KAT7: variants seen among roughly 807,000 people sequenced by gnomAD.
KAT7 encodes lysine acetyltransferase 7.
Under a neutral mutation model 82.1 loss-of-function variants are expected in KAT7, and 10 were observed. That is an observed-to-expected ratio of 0.12 (90% CI 0.08 to 0.21). The LOEUF (loss-of-function observed/expected upper bound fraction) is 0.21, where lower values mean the gene tolerates loss of function less well. KAT7 is among the 10% of genes least tolerant of loss of function. KAT7 has a pLI of 1.00. For missense variants in KAT7, 378 were observed against 760.9 expected (o/e 0.50, Z 5.92); for synonymous variants, 250 against 262.5 (o/e 0.95, Z 0.46).
chr17:49,803,720 G>A (rs765681930), intron 4 of KAT7, among the ~76,000 whole-genome samples: 11 of 152,094 alleles, frequency 7.2e-5, no homozygotes, highest in African/African-American at 1.4e-4. Flanking sequence ...CACTGCGCCC[G>A]GCCTAAAATT....
chr17:49,826,724 G>C lies in KAT7; in HGVS notation c.1659G>C (p.Val553=). 2 of 1,611,752 alleles carry C rather than the reference G, an allele frequency of 1.2e-6. No individual in the cohort carries two copies. Among genetic ancestry groups the C allele is most frequent in the Non-Finnish European group, 1.7e-6 (2 of 1,179,496 alleles). ...EISQETAVNP[V]DIVSTLQALQ... Reference sequence around the variant, plus strand: ...GTCAGGAGACGGCTGTGAATCCTGTGGACATTGTCAGCACTCTGCAAGCCC... The same window carrying C: ...GTCAGGAGACGGCTGTGAATCCTGTCGACATTGTCAGCACTCTGCAAGCCC... Residue 553 remains valine, a synonymous_variant, in exon 14 of 15, where the codon GTG becomes GTC. Transcript: ENST00000259021.
chr17:49,819,748 T>C (rs1416892487), intron 9 of KAT7, among the ~76,000 whole-genome samples: 1 of 152,232 alleles, frequency 6.6e-6, no homozygotes, highest in African/African-American at 2.4e-5. Context: ...TTCCTTTGGC[T>C]TGGCTTCTGT....
chr17:49,814,714 CT>C (rs367590081), intron 7 of KAT7, among the ~76,000 whole-genome samples: 2 of 148,692 alleles, frequency 1.3e-5, no homozygotes, highest in African/African-American at 2.5e-5. Context: ...TTTTTTCAAG[CT>C]TTTTTTTTTC....
At chr17:49,793,727 C>T (rs567407414) in intron 2 of KAT7, among the ~76,000 whole-genome samples, 12 of 152,162 alleles carry the variant, frequency 7.9e-5, no homozygotes, top group African/African-American at 2.4e-4. Flanking sequence ...TGCACGCCAC[C>T]GTGCCCAGCT....
intron 14 of KAT7, chr17:49,827,081 A>G: frequency 2.3e-6 from 1 of 440,926 alleles, no homozygotes; most frequent in South Asian, 3.5e-5. Flanking sequence ...TGTTTTTCTT[A>G]GGTGGGAGGA....
chr17:49,795,491 A>G, intron 2 of KAT7: 1 of 241,152 alleles, frequency 4.1e-6, no homozygotes, highest in South Asian at 6.9e-5. Flanking sequence ...GAGGGCTTTG[A>G]GCCCTCAGAC....
At chr17:49,825,862 A>C (rs2074363239) in intron 12 of KAT7, 138 bp from the exon 13 acceptor site, 2 of 807,694 alleles carry the variant, frequency 2.5e-6, no homozygotes. Flanking sequence ...AGTTAACCAC[A>C]CAGTATTCCA....
At chr17:49,793,437 G>A (rs2073914665) in intron 2 of KAT7, among the ~76,000 whole-genome samples, 1 of 152,158 alleles carries the variant, frequency 6.6e-6, no homozygotes, top group Admixed American at 6.5e-5. Context: ...TGACCCTCCT[G>A]GCTCTGCTCT....
intron 7 of KAT7, among the ~76,000 whole-genome samples, chr17:49,814,211 G>C (rs2074205276): frequency 6.6e-6 from 1 of 152,168 alleles, no homozygotes; most frequent in Non-Finnish European, 1.5e-5. Context: ...TTTTTTGACA[G>C]TCATCACTGT....
At chr17:49,817,736 G>A (rs2074251917) in intron 8 of KAT7, 84 bp from the exon 9 acceptor site, 32 of 1,099,206 alleles carry the variant, frequency 2.9e-5, no homozygotes, top group African/African-American at 4.7e-5. Flanking sequence ...CAAAGTGTTG[G>A]GATTACAGGA....
chr17:49,809,309 G>A, intron 6 of KAT7, 101 bp downstream of exon 6: 1 of 775,938 alleles, frequency 1.3e-6, no homozygotes, highest in Non-Finnish European at 2.2e-6. Context: ...CATTTCCTGT[G>A]GTATATCTTC....
At position 49,794,717 on chromosome 17, in the gene KAT7, G is replaced by A. The variant is rs115716964; in HGVS notation, c.164-2033G>A. Among the ~76,000 whole-genome samples, 773 of 152,342 alleles carry A rather than the reference G, an allele frequency of 5.1e-3. 5 individuals are homozygous for A. The highest frequency in any genetic ancestry group is 0.018 in the African/African-American group (737 of 41,574). ...GTTTGTAGGAAGTATAATTGACCAT[G>A]CCCTAGACACCTGAAAACTAAATAT... On this transcript the variant is annotated intron_variant, in intron 2 of 14. Coordinates refer to ENST00000259021, the MANE Select transcript of KAT7 (RefSeq NM_007067.5).
At position 49,798,425 on chromosome 17, in the gene KAT7, C is replaced by T. The variant is rs140362677; in HGVS notation, c.447C>T (p.His149=). The change falls in exon 4 of 15, where the codon CAC becomes CAT. Residue 149 remains histidine, a synonymous_variant. Coordinates refer to ENST00000259021, the MANE Select transcript of KAT7 (RefSeq NM_007067.5). ...DIDISSPNVS[H]DESIAKDMSL... is the part of the protein sequence containing the mutation. ...ACATCTCCAGCCCCAATGTATCTCA[C>T]GATGAGAGCATTGCCAAGGACATGT... is the stretch of plus-strand genomic sequence containing the variant. 5.5e-5 allele frequency: 89 copies of T among 1,614,202 alleles called. No individual in the cohort carries two copies. Among genetic ancestry groups the T allele is most frequent in the African/African-American group, 3.7e-4 (28 of 75,042 alleles).
intron 6 of KAT7, among the ~76,000 whole-genome samples, chr17:49,810,935 G>A (rs934230973): frequency 2.6e-4 from 39 of 152,140 alleles, no homozygotes; most frequent in Admixed American, 8.5e-4. Flanking sequence ...GGAGGTAGAG[G>A]TTGCAGTGAG....
chr17:49,791,364 A>T (rs1356869748), intron 1 of KAT7, among the ~76,000 whole-genome samples: 1 of 152,214 alleles, frequency 6.6e-6, no homozygotes, highest in Non-Finnish European at 1.5e-5. Flanking sequence ...AGTAAGAATT[A>T]ATTCTCTTCA....
intron 3 of KAT7, 27 bp downstream of exon 3, chr17:49,796,953 C>G (rs777510718): frequency 6.3e-7 from 1 of 1,599,774 alleles, no homozygotes; most frequent in Admixed American, 1.7e-5. Flanking sequence ...TGACTTAGAC[C>G]TATTACAGAG....
intron 4 of KAT7, among the ~76,000 whole-genome samples, chr17:49,803,753 G>A (rs2074055508): frequency 1.3e-5 from 2 of 152,112 alleles, no homozygotes; most frequent in Non-Finnish European, 2.9e-5. Flanking sequence ...ATACAGTCCC[G>A]GAGAAATGAT....
At chr17:49,812,309 C>T (rs2074176975) in intron 7 of KAT7, among the ~76,000 whole-genome samples, 1 of 147,422 alleles carries the variant, frequency 6.8e-6, no homozygotes, top group African/African-American at 2.5e-5. Flanking sequence ...ACTACAACCT[C>T]TGCCTCCTGG....
At chr17:49,816,243 G>A (rs1007258164) in intron 8 of KAT7, among the ~76,000 whole-genome samples, 2 of 152,190 alleles carry the variant, frequency 1.3e-5, no homozygotes, top group African/African-American at 4.8e-5. Flanking sequence ...TGTAGCCTAG[G>A]AGAGACTCAT....
Sources: gnomAD v4.1 joint callset for allele counts (sites outside exome capture counted in the v4.1 genomes callset) on GRCh38, gnomAD v4.1.1 for gene constraint, MANE v1.5 for transcripts, NCBI Gene and HGNC (gene_info 2026-07-23, HGNC 2026-07-21) for gene names.